ANKRD11: variants seen among roughly 807,000 people sequenced by gnomAD.
ANKRD11 encodes ankyrin repeat domain-containing protein 11.
A neutral mutation model predicts 195.7 loss-of-function variants in ANKRD11; 17 were observed. The ratio of observed to expected loss-of-function variants is 0.09; its 90% CI spans 0.06 to 0.13. The LOEUF (loss-of-function observed/expected upper bound fraction) is 0.13. ANKRD11 is among the 10% of genes least tolerant of loss of function. The probability of loss-of-function intolerance (pLI) is 1.00; values close to 1 mark genes in which losing one functional copy is unlikely to be tolerated. For synonymous variants in ANKRD11, 1,953 were observed against 1,528.1 expected (o/e 1.28, Z -6.49); for missense variants, 3,735 against 3,566.1 (o/e 1.05, Z -1.21).
chr16:89,462,949 G>A (rs1028056468), intron 1 of ANKRD11, among the ~76,000 whole-genome samples: 1 of 149,622 alleles, frequency 6.7e-6, no homozygotes, highest in Non-Finnish European at 1.5e-5. Flanking sequence ...AGGTGGAGGT[G>A]GGGGGGGTCA....
At chr16:89,341,766 CACAA>C (rs772506861) in intron 2 of ANKRD11, among the ~76,000 whole-genome samples, 2 of 152,242 alleles carry the variant, frequency 1.3e-5, no homozygotes, top group Non-Finnish European at 2.9e-5. Context: ...CACAAACGTG[CACAA>C]ACAAAAAGTG....
At position 89,291,084 on chromosome 16, in the gene ANKRD11, T is replaced by C. The variant is rs778287566; in HGVS notation, c.326A>G (p.Tyr109Cys). 5.6e-6 allele frequency: 9 copies of C among 1,613,432 alleles called. No individual in the cohort carries two copies. Among genetic ancestry groups the C allele is most frequent in the African/African-American group, 1.3e-5 (1 of 74,928 alleles). Residue 109 changes from tyrosine to cysteine, a missense_variant, in exon 5 of 13, where the codon TAC becomes TGC. Coordinates refer to ENST00000301030, the MANE Select transcript of ANKRD11 (RefSeq NM_013275.6). This position sits in a 1 kb window ranked among gnomAD's most constrained non-coding sequence, Gnocchi z 5.3. ...CACCTGCTGGCGCTCGGAGAGGGGGTAGCCGGCTCGGATTCCAGACAGCCC... is the reference window on the plus strand; with the variant it reads ...CACCTGCTGGCGCTCGGAGAGGGGGCAGCCGGCTCGGATTCCAGACAGCCC... ...GMGLSGIRAG[Y>C]PLSERQQVAL... is the part of the protein sequence containing the mutation.
intron 2 of ANKRD11, chr16:89,324,360 G>T: frequency 1.0e-6 from 1 of 981,844 alleles, no homozygotes; most frequent in Non-Finnish European, 1.4e-6. Flanking sequence ...GAGGGAAAAA[G>T]CCAGGAGGGC....
intron 2 of ANKRD11, among the ~76,000 whole-genome samples, chr16:89,412,818 T>C (rs935170123): frequency 6.6e-6 from 1 of 152,210 alleles, no homozygotes; most frequent in Non-Finnish European, 1.5e-5. Flanking sequence ...AACCGCAATA[T>C]TATAACCTAC....
At chr16:89,411,121 G>T (rs2042094603) in intron 2 of ANKRD11, among the ~76,000 whole-genome samples, 1 of 152,266 alleles carries the variant, frequency 6.6e-6, no homozygotes. Flanking sequence ...GGGTGGCCAG[G>T]GCAGAAGGCA....
intron 10 of ANKRD11, 29 bp downstream of exon 10, chr16:89,275,064 C>T (rs754147309): frequency 2.5e-5 from 41 of 1,611,954 alleles, no homozygotes; most frequent in Admixed American, 2.3e-4. Context: ...CTGGCCGTGG[C>T]GCCCCCCTGC....
chr16:89,279,335 A>G lies in ANKRD11; in HGVS notation c.7207T>C (p.Ser2403Pro). The G allele has an allele frequency of 1.2e-6, 2 of 1,611,254 alleles. No homozygotes were observed. The highest frequency in any genetic ancestry group is 1.7e-6 in the Non-Finnish European group (2 of 1,179,554). Reference protein sequence around the residue: ...TQQLQQQLNTSTQQTREVIQQ... With the variant: ...TQQLQQQLNTPTQQTREVIQQ... ...ATCACCTCCCGCGTCTGCTGCGTGG[A>G]CGTGTTCAGCTGCTGCTGCAGCTGC... Residue 2403 changes from serine to proline, a missense_variant, in exon 9 of 13, where the codon TCC (serine) becomes CCC (proline). Transcript: ENST00000301030. This position sits in a 1 kb window ranked among gnomAD's most constrained non-coding sequence, Gnocchi z 5.6.
At chr16:89,388,367 T>C (rs1053808682) in intron 2 of ANKRD11, among the ~76,000 whole-genome samples, 8 of 145,542 alleles carry the variant, frequency 5.5e-5, no homozygotes, top group African/African-American at 2.0e-4. Context: ...CCTGACCTCG[T>C]GATCTGCCCG....
At chr16:89,366,378 G>A (rs1003100002) in intron 2 of ANKRD11, among the ~76,000 whole-genome samples, 5 of 152,114 alleles carry the variant, frequency 3.3e-5, no homozygotes, top group Non-Finnish European at 7.3e-5. Context: ...TGGTAGTTCT[G>A]GTTTTAGCTC....
At chr16:89,376,800 A>G (rs781262618) in intron 2 of ANKRD11, among the ~76,000 whole-genome samples, 1 of 152,226 alleles carries the variant, frequency 6.6e-6, no homozygotes, top group Admixed American at 6.5e-5. Flanking sequence ...AAATCCTGTA[A>G]GAACATTTGT....
At chr16:89,273,847 G>C (rs2033399609) in intron 11 of ANKRD11, among the ~76,000 whole-genome samples, 1 of 152,158 alleles carries the variant, frequency 6.6e-6, no homozygotes, top group South Asian at 2.1e-4. Context: ...GCAAAGCCTA[G>C]TGCACTGCTC....
chr16:89,329,213 G>A lies in ANKRD11; in HGVS notation c.-59-12135C>T, dbSNP rs62068561. On this transcript the variant is annotated intron_variant, in intron 2 of 12. Coordinates refer to ENST00000301030, the MANE Select transcript of ANKRD11 (RefSeq NM_013275.6). ...TGAGGAGGGCTCATGTCTGTCGGTGGCTGTCGAGGAGGCTCTAGGACCAGG... is the reference window on the plus strand; with the variant it reads ...TGAGGAGGGCTCATGTCTGTCGGTGACTGTCGAGGAGGCTCTAGGACCAGG... Among the ~76,000 whole-genome samples, 815 of 152,362 alleles carry A rather than the reference G, an allele frequency of 5.3e-3. 1 individual carries two copies. Among genetic ancestry groups the A allele is most frequent in the Non-Finnish European group, 8.6e-3 (587 of 68,022 alleles).
At chr16:89,318,141 C>T (rs1367779474) in intron 2 of ANKRD11, among the ~76,000 whole-genome samples, 2 of 152,240 alleles carry the variant, frequency 1.3e-5, no homozygotes, top group African/African-American at 2.4e-5. Flanking sequence ...CTCTGCGACA[C>T]ACGGTGCGAG....
At chr16:89,303,250 G>A (rs1180757219) in intron 4 of ANKRD11, among the ~76,000 whole-genome samples, 3 of 152,230 alleles carry the variant, frequency 2.0e-5, no homozygotes, top group East Asian at 3.9e-4. Context: ...CATGGCCACT[G>A]TGCAAAGAGC....
chr16:89,319,300 T>G (rs138352851), intron 2 of ANKRD11, among the ~76,000 whole-genome samples: 13 of 152,364 alleles, frequency 8.5e-5, no homozygotes, highest in Admixed American at 7.2e-4. Context: ...ATTCTCTTCA[T>G]GTCCCTAGCT....
chr16:89,343,950 C>T (rs2038818361), intron 2 of ANKRD11: 1 of 152,260 alleles, frequency 6.6e-6, no homozygotes, highest in Admixed American at 6.5e-5. Flanking sequence ...GAAATCCACC[C>T]ACCCACACTC....
intron 1 of ANKRD11, among the ~76,000 whole-genome samples, chr16:89,451,358 T>C (rs1227469021): frequency 6.6e-6 from 1 of 151,712 alleles, no homozygotes; most frequent in East Asian, 1.9e-4. Context: ...GGGATCTTAC[T>C]GAAGTGCCAA....
chr16:89,280,951 G>C lies in ANKRD11; in HGVS notation c.5591C>G (p.Ala1864Gly), dbSNP rs1171865526. ...AACGGCAGCCGGTGGGCAGTGCAAA[G>C]CGTCGACTTTGGGCGACGGGAGGCC... is the stretch of plus-strand genomic sequence containing the variant. ...DYGLPSPKVDALHCPPAAVVT... is the reference protein window; with the variant it reads ...DYGLPSPKVDGLHCPPAAVVT... Residue 1864 changes from alanine (A) to glycine (G), a missense_variant, in exon 9 of 13, where the codon GCT becomes GGT. Coordinates refer to ENST00000301030, the MANE Select transcript of ANKRD11 (RefSeq NM_013275.6). The C allele has an allele frequency of 6.3e-7, 1 of 1,579,432 alleles. No individual in the cohort carries two copies.
Position 89,280,228 on chromosome 16 carries a change from C to T in ANKRD11, c.6314G>A (p.Gly2105Asp). The T allele has an allele frequency of 6.2e-7, 1 of 1,608,016 alleles. No homozygotes were observed. Among genetic ancestry groups the T allele is most frequent in the South Asian group, 1.1e-5 (1 of 91,008 alleles). Reference sequence around the variant, plus strand: ...GCCGAGGTGAGACAGGCCGCGGCTGCCGTCCAGGAAGCTATTTTCCAGGGG... The same window carrying T: ...GCCGAGGTGAGACAGGCCGCGGCTGTCGTCCAGGAAGCTATTTTCCAGGGG... ...LGPLENSFLD[G>D]SRGLSHLGQV... The change falls in exon 9 of 13, where the codon GGC (glycine) becomes GAC (aspartate). Residue 2105 changes from glycine to aspartate, a missense_variant. Gly to Asp is a moderately conservative substitution (Grantham distance 94). Transcript: ENST00000301030.
Sources: allele counts gnomAD v4.1 joint callset (sites outside exome capture counted in the v4.1 genomes callset), GRCh38; gene constraint gnomAD v4.1.1; non-coding constraint Gnocchi (gnomAD v3.1); transcripts MANE v1.5; gene names NCBI Gene and HGNC (gene_info 2026-07-23, HGNC 2026-07-21).